Variants in ARMH4 observed in about 807,000 individuals in gnomAD.
The protein encoded by ARMH4 is armadillo-like helical domain-containing protein 4.
ARMH4 carries 49 observed loss-of-function variants against 61.9 expected under a neutral mutation model. That is an observed-to-expected ratio of 0.79 (90% CI 0.63 to 1.00). The LOEUF is 1.00. Among genes scored for constraint, ARMH4 ranks in the 50% least tolerant of loss-of-function variants. ARMH4 has a pLI of 0.00. For missense variants in ARMH4, 934 were observed against 930.0 expected (o/e 1.00, Z -0.06); for synonymous variants, 368 against 341.5 (o/e 1.08, Z -0.85).
intron 4 of ARMH4, among the ~76,000 whole-genome samples, chr14:58,107,524 G>C (rs750387375): frequency 3.9e-5 from 6 of 152,082 alleles, no homozygotes; most frequent in Admixed American, 6.6e-5. Context: ...CCAGCACTTT[G>C]GGAGGCCAAG....
intron 5 of ARMH4, among the ~76,000 whole-genome samples, chr14:58,066,912 G>A (rs971932060): frequency 2.0e-5 from 3 of 152,114 alleles, no homozygotes; most frequent in African/African-American, 4.8e-5. Context: ...ACAAAATATG[G>A]TTACTACTAA....
At chr14:58,129,618 T>C (rs552449356) in intron 4 of ARMH4, among the ~76,000 whole-genome samples, 40 of 152,312 alleles carry the variant, frequency 2.6e-4, no homozygotes, top group Non-Finnish European at 4.6e-4. Flanking sequence ...AAAACATGCA[T>C]TGAAAATAGA....
intron 5 of ARMH4, among the ~76,000 whole-genome samples, chr14:58,061,641 G>A (rs773805568): frequency 5.3e-5 from 8 of 152,188 alleles, no homozygotes; most frequent in South Asian, 2.1e-4. Flanking sequence ...GAGATAAAAC[G>A]TCAAATATGA....
At chr14:58,052,414 A>C (rs951215216) in intron 5 of ARMH4, among the ~76,000 whole-genome samples, 23 of 152,092 alleles carry the variant, frequency 1.5e-4, no homozygotes, top group Non-Finnish European at 3.1e-4. Flanking sequence ...AGCGGGTTTC[A>C]TGGGAACATT....
At chr14:58,048,012 G>C (rs181952378) in intron 5 of ARMH4, among the ~76,000 whole-genome samples, 1 of 152,164 alleles carries the variant, frequency 6.6e-6, no homozygotes, top group Non-Finnish European at 1.5e-5. Context: ...AGCAGAACAG[G>C]AAAATGCCTG....
chr14:58,151,837 C>G (rs1887936045), intron 1 of ARMH4, among the ~76,000 whole-genome samples: 2 of 152,246 alleles, frequency 1.3e-5, no homozygotes, highest in Admixed American at 6.5e-5. Flanking sequence ...GTGAGTCCTC[C>G]GAGGCCTGCG....
intron 6 of ARMH4, among the ~76,000 whole-genome samples, chr14:58,009,621 G>A (rs1184115849): frequency 6.6e-6 from 1 of 151,908 alleles, no homozygotes; most frequent in African/African-American, 2.4e-5. Context: ...GACCACCCTG[G>A]CCAACATGGT....
chr14:58,096,683 A>AG, intron 5 of ARMH4, 41 bp downstream of exon 5: 1 of 1,583,756 alleles, frequency 6.3e-7, no homozygotes, highest in Non-Finnish European at 8.6e-7. Flanking sequence ...ATATAAAAGG[A>AG]GGGGAGAAGG....
At chr14:58,104,744 G>T (rs1886113414) in intron 4 of ARMH4, among the ~76,000 whole-genome samples, 2 of 152,172 alleles carry the variant, frequency 1.3e-5, no homozygotes, top group Admixed American at 1.3e-4. Flanking sequence ...ATCGAATAAA[G>T]GAAAGACGGT....
chr14:58,081,323 AG>A (rs535489773), intron 5 of ARMH4, among the ~76,000 whole-genome samples: 1 of 151,962 alleles, frequency 6.6e-6, no homozygotes, highest in Non-Finnish European at 1.5e-5. Context: ...CAGGATCCCC[AG>A]GGGGATCTGT....
rs952047453 is a variant in ARMH4, at chr14:58,119,982, C to T, written c.1831+11530G>A. On this transcript the variant is annotated intron_variant, in intron 4 of 7. Coordinates refer to ENST00000267485, the MANE Select transcript of ARMH4 (RefSeq NM_001001872.4). Reference sequence around the variant, plus strand: ...ATAAAATTATAAATATACAGTTGTACATCACTTAACAATCGGATACATTCT... The same window carrying T: ...ATAAAATTATAAATATACAGTTGTATATCACTTAACAATCGGATACATTCT... Among the ~76,000 whole-genome samples, 6 of 105,750 alleles carry T rather than the reference C, an allele frequency of 5.7e-5. No homozygotes were observed. In the East Asian group the frequency reaches 1.1e-3, roughly 19 times the overall value. 69.4% of individuals were successfully genotyped at this position (105,750 alleles called of 152,430 possible). A position where few individuals can be genotyped will look rare whatever the true frequency, so the allele number is the denominator to read the frequency against.
At chr14:58,094,931 G>C (rs1885698532) in intron 5 of ARMH4, among the ~76,000 whole-genome samples, 1 of 152,134 alleles carries the variant, frequency 6.6e-6, no homozygotes, top group South Asian at 2.1e-4. Context: ...GGGTGCAATT[G>C]TGTATAATAC....
At chr14:58,136,551 T>C (rs925929838) in intron 2 of ARMH4, among the ~76,000 whole-genome samples, 4 of 152,184 alleles carry the variant, frequency 2.6e-5, no homozygotes, top group African/African-American at 7.2e-5. Flanking sequence ...ATTCAATCTT[T>C]CTTTTGTCAT....
intron 5 of ARMH4, among the ~76,000 whole-genome samples, chr14:58,079,127 T>C (rs916089774): frequency 6.6e-6 from 1 of 152,224 alleles, no homozygotes; most frequent in Non-Finnish European, 1.5e-5. Context: ...GGAATAATGA[T>C]AACTACTTAT....
chr14:58,007,368 T>C (rs542437804), intron 6 of ARMH4, among the ~76,000 whole-genome samples: 1 of 152,236 alleles, frequency 6.6e-6, no homozygotes, highest in Admixed American at 6.5e-5. Flanking sequence ...AATTGACATA[T>C]AAAACTGTAC....
At chr14:58,110,077 G>A (rs896742410) in intron 4 of ARMH4, among the ~76,000 whole-genome samples, 7 of 152,242 alleles carry the variant, frequency 4.6e-5, no homozygotes, top group Admixed American at 2.0e-4. Flanking sequence ...TCCCCACCTC[G>A]ACACATGGGG....
chr14:58,109,876 G>A (rs1406178241), intron 4 of ARMH4, among the ~76,000 whole-genome samples: 1 of 152,152 alleles, frequency 6.6e-6, no homozygotes, highest in Non-Finnish European at 1.5e-5. Flanking sequence ...AGAGGCCTCA[G>A]GAAACTTACA....
intron 5 of ARMH4, among the ~76,000 whole-genome samples, chr14:58,015,768 A>G (rs1313863521): frequency 6.7e-6 from 1 of 150,006 alleles, no homozygotes; most frequent in Non-Finnish European, 1.5e-5. Context: ...AAAAAAAAAA[A>G]AAAGATGATG....
chr14:58,088,704 T>A (rs565120162), intron 5 of ARMH4, among the ~76,000 whole-genome samples: 1 of 152,134 alleles, frequency 6.6e-6, no homozygotes, highest in East Asian at 1.9e-4. Flanking sequence ...GATTCAGGAG[T>A]CTGTAATGTG....
Sources: gnomAD v4.1 joint callset for allele counts (sites outside exome capture counted in the v4.1 genomes callset) on GRCh38, gnomAD v4.1.1 for gene constraint, MANE v1.5 for transcripts, NCBI Gene and HGNC (gene_info 2026-07-23, HGNC 2026-07-21) for gene names.